The following CFAP47 variants were observed in gnomAD, a reference collection of about 807,000 sequenced individuals.
The protein encoded by CFAP47 is cilia and flagella associated protein 47, also known as cilia- and flagella-associated protein 47.
A neutral mutation model predicts 148.1 loss-of-function variants in CFAP47; 29 were observed. That is an observed-to-expected ratio of 0.20 (90% CI 0.15 to 0.27). CFAP47 has a LOEUF of 0.27. CFAP47 is among the 10% of genes least tolerant of loss of function. The probability of loss-of-function intolerance (pLI) is 1.00; values close to 1 mark genes in which losing one functional copy is unlikely to be tolerated. For missense variants in CFAP47, 1,872 were observed against 1,697.5 expected, an observed-to-expected ratio of 1.10 and a Z score of -1.81; for synonymous variants, 664 against 577.3, an observed-to-expected ratio of 1.15 and a Z score of -2.15.
At chrX:36,366,335 A>C (rs1941875996) in intron 61 of CFAP47, among the ~76,000 whole-genome samples, 2 of 111,631 alleles carry the variant, frequency 1.8e-5, no homozygotes, top group Non-Finnish European at 3.8e-5. Context: ...TGTCATAGTC[A>C]AATGCTTTGA....
At chrX:36,082,956 G>A (rs765326798) in intron 29 of CFAP47, among the ~76,000 whole-genome samples, 1 of 110,813 alleles carries the variant, frequency 9.0e-6, no homozygotes, top group East Asian at 2.9e-4. Flanking sequence ...CAGACCTTAG[G>A]ACCTAGTAAG....
chrX:36,051,625 C>T (rs747279920), intron 26 of CFAP47, among the ~76,000 whole-genome samples: 65 of 111,532 alleles, frequency 5.8e-4, no homozygotes, highest in Non-Finnish European at 6.2e-4. Context: ...ACAAGCTAAG[C>T]GGTGGAAGGG....
chrX:36,066,506 T>A (rs1937642593), intron 27 of CFAP47, among the ~76,000 whole-genome samples: 1 of 111,468 alleles, frequency 9.0e-6, no homozygotes, highest in Non-Finnish European at 1.9e-5. Context: ...AACTTCCAAA[T>A]ACCCTCTTGG....
At chrX:36,047,487 T>C (rs941981260) in intron 26 of CFAP47, among the ~76,000 whole-genome samples, 5 of 112,273 alleles carry the variant, frequency 4.5e-5, no homozygotes, top group Non-Finnish European at 7.5e-5. Context: ...TTCCCTACAA[T>C]ATAGCTTTGT....
At chrX:36,296,366 T>C (rs1941242407) in intron 51 of CFAP47, among the ~76,000 whole-genome samples, 1 of 112,438 alleles carries the variant, frequency 8.9e-6, no homozygotes, top group South Asian at 3.6e-4. Context: ...CAAGTAGTTC[T>C]ATATTCCAAT....
intron 30 of CFAP47, 121 bp downstream of exon 30, chrX:36,085,659 A>ACACACACG (rs1394919168): frequency 5.8e-6 from 2 of 343,851 alleles, no homozygotes; most frequent in African/African-American, 5.5e-5. Flanking sequence ...ACACACACAC[A>ACACACACG]CACACACATA....
At chrX:36,187,666 G>A (rs1333419592) in intron 40 of CFAP47, among the ~76,000 whole-genome samples, 1 of 110,903 alleles carries the variant, frequency 9.0e-6, no homozygotes, top group Non-Finnish European at 1.9e-5. Context: ...TTTTAAAAAG[G>A]TATTACCTTT....
intron 33 of CFAP47, among the ~76,000 whole-genome samples, chrX:36,105,626 T>C (rs1359884949): frequency 8.9e-6 from 1 of 111,943 alleles, no homozygotes; most frequent in East Asian, 2.8e-4. Flanking sequence ...TAGAATACTT[T>C]ATTACCTTCT....
At chrX:35,998,813 C>A (rs893213636) in intron 19 of CFAP47, among the ~76,000 whole-genome samples, 1 of 111,509 alleles carries the variant, frequency 9.0e-6, no homozygotes, top group African/African-American at 3.3e-5. Flanking sequence ...ACTATGGCAT[C>A]CTTCCTTGAA....
intron 61 of CFAP47, among the ~76,000 whole-genome samples, chrX:36,363,999 T>C (rs931270482): frequency 1.1e-4 from 12 of 111,990 alleles, no homozygotes; most frequent in African/African-American, 3.6e-4. Context: ...TCTTATGGTA[T>C]CTTCAGAAAT....
chrX:36,094,256 A>G (rs1271951479), intron 30 of CFAP47, among the ~76,000 whole-genome samples: 1 of 110,596 alleles, frequency 9.0e-6, no homozygotes, highest in Admixed American at 9.7e-5. Context: ...CCAGTAACAC[A>G]CTGTTTTGGT....
At chrX:35,950,236 G>T (rs764195958) in intron 4 of CFAP47, among the ~76,000 whole-genome samples, 71 of 111,797 alleles carry the variant, frequency 6.4e-4, no homozygotes, top group African/African-American at 2.1e-3. Context: ...TATCTGATGG[G>T]CCTAAATTGA....
At chrX:35,922,935 C>A (rs1935600768) in intron 1 of CFAP47, among the ~76,000 whole-genome samples, 1 of 111,331 alleles carries the variant, frequency 9.0e-6, no homozygotes, top group South Asian at 3.7e-4. Flanking sequence ...ATAATGAGCA[C>A]CTTCCTCGCT....
At chrX:36,171,672 C>T (rs1243242839) in intron 39 of CFAP47, among the ~76,000 whole-genome samples, 3 of 111,474 alleles carry the variant, frequency 2.7e-5, no homozygotes, top group Non-Finnish European at 3.8e-5. Flanking sequence ...TGTTTTGGTA[C>T]CAGTACCATA....
chrX:35,989,782 G>A (rs1232820049), intron 16 of CFAP47: 1 of 274,204 alleles, frequency 3.6e-6, no homozygotes, highest in African/African-American at 2.8e-5. Flanking sequence ...CAATCACCAA[G>A]CATGATTTTA....
chrX:35,920,819 C>A (rs1935566145), intron 1 of CFAP47, among the ~76,000 whole-genome samples: 1 of 110,748 alleles, frequency 9.0e-6, no homozygotes, highest in Admixed American at 9.7e-5. Context: ...AGAGATATTC[C>A]TAATAAAAAG....
intron 26 of CFAP47, among the ~76,000 whole-genome samples, chrX:36,047,514 G>T (rs1366438202): frequency 1.8e-5 from 2 of 111,895 alleles, no homozygotes; most frequent in African/African-American, 6.5e-5. Context: ...TTACTTTAAC[G>T]GGGTGAGGAG....
chrX:35,971,310 C>G (rs749599866), intron 11 of CFAP47, among the ~76,000 whole-genome samples: 1 of 112,081 alleles, frequency 8.9e-6, no homozygotes, highest in East Asian at 2.8e-4. Flanking sequence ...AAAGTTGTTG[C>G]TGGCTTGAGC....
At chrX:36,219,582 A>G (rs1054821338) in intron 45 of CFAP47, among the ~76,000 whole-genome samples, 2 of 111,796 alleles carry the variant, frequency 1.8e-5, no homozygotes, top group Non-Finnish European at 3.8e-5. Flanking sequence ...GCTAAAGGGA[A>G]AAGTCAAGCT....
Sources: gnomAD v4.1 joint callset for allele counts (sites outside exome capture counted in the v4.1 genomes callset) on GRCh38, gnomAD v4.1.1 for gene constraint, MANE v1.5 for transcripts, NCBI Gene and HGNC (gene_info 2026-07-23, HGNC 2026-07-21) for gene names.